The following DOCK4 variants were observed in gnomAD, a reference collection of about 807,000 sequenced individuals.
DOCK4 encodes dedicator of cytokinesis protein 4.
DOCK4 carries 97 observed loss-of-function variants against 268.1 expected under a neutral mutation model. The observed-to-expected ratio is 0.36, with a 90% confidence interval of 0.31 to 0.43. The LOEUF is 0.43. Ranked by LOEUF, DOCK4 falls within the 20% of genes least tolerant of loss-of-function variation. The pLI is 1.00. For synonymous variants in DOCK4, 954 were observed against 887.2 expected (o/e 1.08, Z -1.34); for missense variants, 2,145 against 2,455.7 (o/e 0.87, Z 2.67).
chr7:111,740,459 G>A lies in DOCK4; in HGVS notation c.5040+635C>T, dbSNP rs185761795. Among the ~76,000 whole-genome samples, 14 of 150,734 alleles carry A rather than the reference G, an allele frequency of 9.3e-5. No homozygotes were observed. In the East Asian group the frequency reaches 1.4e-3, roughly 15 times the overall value. On this transcript the variant is annotated intron_variant, in intron 47 of 52. Coordinates refer to ENST00000428084, the MANE Select transcript of DOCK4 (RefSeq NM_001363540.2). ...TTTGGAATGCTAAGAGGGGCCGGGC[G>A]CAGTAGCTCATGCCTGTAATCCCAG...
At chr7:112,100,381 A>T (rs1331127338) in intron 1 of DOCK4, among the ~76,000 whole-genome samples, 2 of 152,232 alleles carry the variant, frequency 1.3e-5, no homozygotes, top group African/African-American at 4.8e-5. Flanking sequence ...TCCCTTTGGG[A>T]AGAAGATGAA....
At chr7:112,159,358 C>T (rs567259302) in intron 1 of DOCK4, among the ~76,000 whole-genome samples, 9 of 152,132 alleles carry the variant, frequency 5.9e-5, no homozygotes, top group African/African-American at 1.9e-4. Flanking sequence ...TCATCCTCAT[C>T]GCTCCCTGGT....
At chr7:112,066,877 G>A (rs1807113852) in intron 1 of DOCK4, among the ~76,000 whole-genome samples, 1 of 150,638 alleles carries the variant, frequency 6.6e-6, no homozygotes, top group Admixed American at 6.6e-5. Context: ...GGGCACAGTG[G>A]CTCATGCCTG....
chr7:112,071,389 T>C (rs999005240), intron 1 of DOCK4, among the ~76,000 whole-genome samples: 1 of 152,288 alleles, frequency 6.6e-6, no homozygotes, highest in Non-Finnish European at 1.5e-5. Context: ...ATTAAACATG[T>C]TGGAAGACCC....
In DOCK4 at chr7:112,185,008, C is replaced by T. The variant is rs190338114; in HGVS notation, c.37+21094G>A. ...GATAAACAAGGCAAAGAGTATCATC[C>T]CTCTTTACAGAACAGGAAACTAAAG... is the stretch of plus-strand genomic sequence containing the variant. On this transcript the variant is annotated intron_variant, in intron 1 of 52. Transcript: ENST00000428084. Among the ~76,000 whole-genome samples, 662 of 152,272 alleles carry T rather than the reference C, an allele frequency of 4.3e-3. 4 individuals carry two copies. Among genetic ancestry groups the T allele is most frequent in the Non-Finnish European group, 6.1e-3 (413 of 68,024 alleles).
At chr7:112,158,314 CTATTGCT>C (rs1816800618) in intron 1 of DOCK4, among the ~76,000 whole-genome samples, 1 of 152,174 alleles carries the variant, frequency 6.6e-6, no homozygotes, top group South Asian at 2.1e-4. Flanking sequence ...TCCCTAGCAC[CTATTGCT>C]TATACATAGT....
chr7:111,915,660 C>A (rs935733236), intron 13 of DOCK4, 119 bp downstream of exon 13: 7 of 997,394 alleles, frequency 7.0e-6, no homozygotes, highest in Admixed American at 3.4e-5. Flanking sequence ...TACCTCATTT[C>A]ATTCTTCAGC....
intron 16 of DOCK4, among the ~76,000 whole-genome samples, chr7:111,877,445 C>T (rs1427468314): frequency 6.6e-6 from 1 of 152,156 alleles, no homozygotes; most frequent in Non-Finnish European, 1.5e-5. Context: ...AATTATTTAA[C>T]TACACACTGT....
intron 27 of DOCK4, among the ~76,000 whole-genome samples, chr7:111,814,963 G>C (rs2133929707): frequency 6.6e-6 from 1 of 152,180 alleles, no homozygotes; most frequent in South Asian, 2.1e-4. Context: ...TTCATTAACT[G>C]TCCAATTTTA....
chr7:111,974,440 TG>T (rs1382033949), intron 8 of DOCK4, among the ~76,000 whole-genome samples: 7 of 151,142 alleles, frequency 4.6e-5, no homozygotes, highest in Non-Finnish European at 1.0e-4. Context: ...GGGAAGGGAC[TG>T]ACTTGATTTC....
At chr7:111,839,675 C>T (rs1803519475) in intron 25 of DOCK4, among the ~76,000 whole-genome samples, 1 of 152,156 alleles carries the variant, frequency 6.6e-6, no homozygotes. Context: ...CCAACATCTA[C>T]TCTACAATGT....
intron 1 of DOCK4, among the ~76,000 whole-genome samples, chr7:112,089,342 G>A (rs1310386281): frequency 3.9e-5 from 6 of 152,008 alleles, no homozygotes; most frequent in African/African-American, 1.4e-4. Flanking sequence ...CCCACTTATT[G>A]TACTTTGCCC....
chr7:112,115,773 C>G (rs2115790622), intron 1 of DOCK4, among the ~76,000 whole-genome samples: 1 of 152,314 alleles, frequency 6.6e-6, no homozygotes, highest in South Asian at 2.1e-4. Context: ...CCTCTAACTC[C>G]TAGGCTCAAG....
intron 22 of DOCK4, among the ~76,000 whole-genome samples, chr7:111,866,739 A>G (rs1251680834): frequency 6.6e-6 from 1 of 152,240 alleles, no homozygotes; most frequent in African/African-American, 2.4e-5. Context: ...CTTAAGAGTA[A>G]GAAAATATTT....
chr7:111,837,670 A>G (rs1025871916), intron 25 of DOCK4, among the ~76,000 whole-genome samples: 2 of 152,236 alleles, frequency 1.3e-5, no homozygotes, highest in Non-Finnish European at 2.9e-5. Flanking sequence ...TTACTGATCT[A>G]TTTGACAAAA....
In DOCK4 at chr7:112,149,960, T is replaced by C. The variant is rs1250502868; in HGVS notation, c.37+56142A>G. Among the ~76,000 whole-genome samples, 7 of 152,228 alleles carry C rather than the reference T, an allele frequency of 4.6e-5. No individual in the cohort carries two copies. The East Asian group carries it at 1.3e-3, about 29-fold the overall frequency. On this transcript the variant is annotated intron_variant, in intron 1 of 52. Coordinates refer to ENST00000428084, the MANE Select transcript of DOCK4 (RefSeq NM_001363540.2). ...CTGCTGACATTTACTGAACATTTAC[T>C]GTGGGCCAGGCAAGGTACCAGCTGC...
intron 1 of DOCK4, among the ~76,000 whole-genome samples, chr7:112,143,464 T>C (rs929879580): frequency 3.3e-5 from 5 of 152,198 alleles, no homozygotes; most frequent in South Asian, 2.1e-4. Context: ...CAAAGCTCCA[T>C]TAGTGAAAAA....
chr7:111,759,921 G>A (rs2074119), intron 40 of DOCK4, among the ~76,000 whole-genome samples: 42,805 of 151,996 alleles, frequency 0.28, 6,383 homozygotes, highest in South Asian at 0.5. Flanking sequence ...TTTAAAGGCA[G>A]GGTTGAGCTA....
chr7:111,732,879 G>C (rs1795197361), intron 51 of DOCK4, among the ~76,000 whole-genome samples: 1 of 152,186 alleles, frequency 6.6e-6, no homozygotes. Flanking sequence ...ATCCCCTGGT[G>C]GTGGGTCTCT....
Sources: gnomAD v4.1 joint callset for allele counts (sites outside exome capture counted in the v4.1 genomes callset) on GRCh38, gnomAD v4.1.1 for gene constraint, MANE v1.5 for transcripts, NCBI Gene and HGNC (gene_info 2026-07-23, HGNC 2026-07-21) for gene names.